Variants in SINHCAF observed in about 807,000 individuals in gnomAD.
The protein encoded by SINHCAF is SIN3-HDAC complex associated factor.
A neutral mutation model predicts 25.8 loss-of-function variants in SINHCAF; 3 were observed. The ratio of observed to expected loss-of-function variants is 0.12; its 90% CI spans 0.05 to 0.30. The LOEUF (loss-of-function observed/expected upper bound fraction) is 0.30, where lower values mean the gene tolerates loss of function less well. SINHCAF is among the 10% of genes least tolerant of loss of function. The probability of loss-of-function intolerance (pLI) is 1.00; values close to 1 mark genes in which losing one functional copy is unlikely to be tolerated. For missense variants in SINHCAF, 121 were observed against 262.3 expected (o/e 0.46, Z 3.72); for synonymous variants, 70 against 85.5 (o/e 0.82, Z 1.00).
intron 1 of SINHCAF, among the ~76,000 whole-genome samples, chr12:31,311,380 G>C (rs1301540641): frequency 6.6e-6 from 1 of 152,198 alleles, no homozygotes; most frequent in Non-Finnish European, 1.5e-5. Context: ...AGAATGACCT[G>C]GGTCATAGAT....
intron 1 of SINHCAF, among the ~76,000 whole-genome samples, chr12:31,315,034 A>G (rs1042123817): frequency 1.3e-5 from 2 of 152,218 alleles, no homozygotes; most frequent in African/African-American, 4.8e-5. Context: ...TCTGAATCTG[A>G]ATGTGCTGCT....
chr12:31,318,798 T>TG (rs1014060710), intron 1 of SINHCAF, among the ~76,000 whole-genome samples: 2 of 152,210 alleles, frequency 1.3e-5, no homozygotes, highest in African/African-American at 4.8e-5. Flanking sequence ...TAACCATACT[T>TG]GGGTCTGCAA....
chr12:31,290,387 G>C (rs1036454889), intron 4 of SINHCAF, among the ~76,000 whole-genome samples: 2 of 151,912 alleles, frequency 1.3e-5, no homozygotes, highest in Non-Finnish European at 2.9e-5. Context: ...CAAAGTGCTG[G>C]GATTACAGGT....
At chr12:31,316,383 G>C (rs1939496622) in intron 1 of SINHCAF, among the ~76,000 whole-genome samples, 1 of 152,092 alleles carries the variant, frequency 6.6e-6, no homozygotes, top group African/African-American at 2.4e-5. Flanking sequence ...CTGATTTGTA[G>C]GGTTTTCTTC....
At chr12:31,286,662 CAAA>C (rs999169211) in intron 5 of SINHCAF, among the ~76,000 whole-genome samples, 11 of 55,194 alleles carry the variant, frequency 2.0e-4, no homozygotes, top group Admixed American at 6.0e-4. Context: ...AACTCCGTCT[CAAA>C]AAAAAAAAAA....
In SINHCAF at chr12:31,295,222, A is replaced by G. The variant is rs774204103; in HGVS notation, c.228+12T>C. 6.5e-7 allele frequency: 1 copy of G among 1,550,168 alleles called. No individual in the cohort carries two copies. The highest frequency in any genetic ancestry group is 8.8e-7 in the Non-Finnish European group (1 of 1,131,634). ...TAGAGGTATAATTGAGAAAAAAGAA[A>G]GATGGACTAACATGATTCCAGTTTT... On this transcript the variant is annotated intron_variant, in intron 3 of 5. Transcript: ENST00000337682.
At chr12:31,307,391 CA>C (rs1247825399) in intron 1 of SINHCAF, among the ~76,000 whole-genome samples, 1 of 151,938 alleles carries the variant, frequency 6.6e-6, no homozygotes, top group Admixed American at 6.6e-5. Context: ...CCTGTCTCTA[CA>C]AAAAATATAA....
chr12:31,323,150 A>ATTTGC (rs1939769233), intron 1 of SINHCAF, among the ~76,000 whole-genome samples: 1 of 152,178 alleles, frequency 6.6e-6, no homozygotes, highest in Non-Finnish European at 1.5e-5. Flanking sequence ...AAGGCACTGA[A>ATTTGC]TAACCACCAA....
chr12:31,321,600 G>A (rs955578674), intron 1 of SINHCAF, among the ~76,000 whole-genome samples: 1 of 152,108 alleles, frequency 6.6e-6, no homozygotes, highest in Non-Finnish European at 1.5e-5. Flanking sequence ...TTTTACAGAT[G>A]AAAAAAACTG....
At chr12:31,310,407 G>A (rs1423645797) in intron 1 of SINHCAF, among the ~76,000 whole-genome samples, 1 of 152,152 alleles carries the variant, frequency 6.6e-6, no homozygotes, top group East Asian at 1.9e-4. Flanking sequence ...TATTTCCTCA[G>A]AGGAGTCCTA....
chr12:31,300,555 G>A (rs889253094), intron 1 of SINHCAF, among the ~76,000 whole-genome samples: 1 of 152,136 alleles, frequency 6.6e-6, no homozygotes, highest in African/African-American at 2.4e-5. Context: ...ATCTAGAGAG[G>A]CCTGCTCAAA....
chr12:31,316,505 T>A (rs1430900029), intron 1 of SINHCAF, among the ~76,000 whole-genome samples: 3 of 152,044 alleles, frequency 2.0e-5, no homozygotes, highest in Non-Finnish European at 4.4e-5. Flanking sequence ...CCACAATATA[T>A]CAAAGACACA....
intron 4 of SINHCAF, among the ~76,000 whole-genome samples, chr12:31,289,101 C>G (rs1938199439): frequency 6.6e-6 from 1 of 152,046 alleles, no homozygotes; most frequent in Non-Finnish European, 1.5e-5. Flanking sequence ...GAAGAAAGAA[C>G]AACAGAAATT....
In SINHCAF at chr12:31,316,634, GAA is replaced by G. The variant is rs142478802; in HGVS notation, c.-21+9388_-21+9389del. ...TGAATATAATAATATACATAGGAAA[GAA>G]AAAGAGTTTCACAGCGATAGTTTAT... On this transcript the variant is annotated intron_variant, in intron 1 of 5. Transcript: ENST00000337682. Among the ~76,000 whole-genome samples, 470 of 152,170 alleles carry G rather than the reference GAA, an allele frequency of 3.1e-3. 1 individual carries two copies. Among genetic ancestry groups the G allele is most frequent in the African/African-American group, 0.011 (455 of 41,522 alleles).
At chr12:31,318,252 C>A (rs539159935) in intron 1 of SINHCAF, among the ~76,000 whole-genome samples, 1 of 152,192 alleles carries the variant, frequency 6.6e-6, no homozygotes, top group South Asian at 2.1e-4. Context: ...TTAAGGAAAC[C>A]CATGGAGCAG....
intron 1 of SINHCAF, 82 bp from the exon 2 acceptor site, chr12:31,298,306 C>A (rs775074459): frequency 2.0e-6 from 3 of 1,534,830 alleles, no homozygotes; most frequent in African/African-American, 2.7e-5. Flanking sequence ...CTCCACCCCA[C>A]CCCCAAGCAA....
intron 4 of SINHCAF, among the ~76,000 whole-genome samples, chr12:31,288,562 C>G (rs999232494): frequency 6.6e-6 from 1 of 152,194 alleles, no homozygotes; most frequent in East Asian, 1.9e-4. Context: ...TAACAAGGAG[C>G]CTCCCCCTCC....
chr12:31,287,504 C>T (rs1297710480), intron 5 of SINHCAF, 130 bp downstream of exon 5: 3 of 567,130 alleles, frequency 5.3e-6, no homozygotes, highest in Non-Finnish European at 8.7e-6. Flanking sequence ...CTGCTCAATT[C>T]CTGCTTAATC....
chr12:31,281,729 G>C lies in SINHCAF; in HGVS notation c.*983C>G, dbSNP rs1048534537. 2.0e-5 allele frequency: 3 copies of C among 152,136 alleles called. No individual in the cohort carries two copies. Among genetic ancestry groups the C allele is most frequent in the Non-Finnish European group, 4.4e-5 (3 of 68,022 alleles). The allele number at this position is 152,136 out of a possible 1,614,324, so 9.4% of individuals were successfully genotyped here. ...TTTGGTACTATTCATACAGGGTCTT[G>C]CCTATCCTAAAGACTTGCCATTTCC... On this transcript the variant is annotated 3_prime_UTR_variant, in exon 6 of 6. Transcript: ENST00000337682.
Sources: gnomAD v4.1 joint callset for allele counts (sites outside exome capture counted in the v4.1 genomes callset) on GRCh38, gnomAD v4.1.1 for gene constraint, MANE v1.5 for transcripts, NCBI Gene and HGNC (gene_info 2026-07-23, HGNC 2026-07-21) for gene names.